The following CDH13 variants were observed in gnomAD, a reference collection of about 807,000 sequenced individuals.
The protein encoded by CDH13 is cadherin-13.
Under a neutral mutation model 63.8 loss-of-function variants are expected in CDH13, and 24 were observed. The ratio of observed to expected loss-of-function variants is 0.38; its 90% CI spans 0.27 to 0.53. The LOEUF (loss-of-function observed/expected upper bound fraction) is 0.53, where lower values mean the gene tolerates loss of function less well. Ranked by LOEUF, CDH13 falls within the 20% of genes least tolerant of loss-of-function variation. The pLI is 0.85. For missense variants in CDH13, 1,049 were observed against 903.1 expected, an observed-to-expected ratio of 1.16 and a Z score of -2.07; for synonymous variants, 503 against 355.3, an observed-to-expected ratio of 1.42 and a Z score of -4.67.
intron 2 of CDH13, among the ~76,000 whole-genome samples, chr16:82,944,587 G>C (rs1904484456): frequency 6.6e-6 from 1 of 152,150 alleles, no homozygotes; most frequent in Admixed American, 6.5e-5. Context: ...AGTGGGTGAA[G>C]GCCAGGGGTG....
At chr16:83,477,910 G>A (rs548314824) in intron 6 of CDH13, among the ~76,000 whole-genome samples, 5 of 152,162 alleles carry the variant, frequency 3.3e-5, no homozygotes, top group Non-Finnish European at 7.4e-5. Flanking sequence ...GGCTGGACGC[G>A]GTGGCTCATA....
At chr16:82,817,175 C>T (rs1029859495) in intron 1 of CDH13, among the ~76,000 whole-genome samples, 1 of 152,082 alleles carries the variant, frequency 6.6e-6, no homozygotes, top group Admixed American at 6.6e-5. Flanking sequence ...TCTTCGCCCC[C>T]CACTGCAGGT....
At chr16:82,895,105 T>C (rs545008204) in intron 2 of CDH13, among the ~76,000 whole-genome samples, 1 of 152,220 alleles carries the variant, frequency 6.6e-6, no homozygotes, top group Non-Finnish European at 1.5e-5. Context: ...CAGTGGCATT[T>C]AGCGTATTTG....
At chr16:83,699,956 G>C (rs1427572858) in intron 10 of CDH13, among the ~76,000 whole-genome samples, 1 of 152,146 alleles carries the variant, frequency 6.6e-6, no homozygotes, top group Non-Finnish European at 1.5e-5. Context: ...ACATGCAAAA[G>C]TGCACAAGTT....
chr16:83,125,924 C>CATACCAAAAACTAAATG (rs2035792882), intron 4 of CDH13, among the ~76,000 whole-genome samples: 1 of 152,064 alleles, frequency 6.6e-6, no homozygotes, highest in Non-Finnish European at 1.5e-5. Context: ...AAAAACTAAA[C>CATACCAAAAACTAAATG]CAGATCAAGG....
chr16:83,448,576 A>T (rs2072781219), intron 6 of CDH13, among the ~76,000 whole-genome samples: 1 of 152,162 alleles, frequency 6.6e-6, no homozygotes, highest in African/African-American at 2.4e-5. Context: ...TTAACATGAG[A>T]AGAGTGACTG....
At chr16:82,665,386 C>CA (rs1912466066) in intron 1 of CDH13, among the ~76,000 whole-genome samples, 1 of 152,008 alleles carries the variant, frequency 6.6e-6, no homozygotes, top group Non-Finnish European at 1.5e-5. Flanking sequence ...AACCGAGGCG[C>CA]ACGTAAAACA....
chr16:82,803,624 G>A (rs751491539), intron 1 of CDH13, among the ~76,000 whole-genome samples: 4 of 152,174 alleles, frequency 2.6e-5, no homozygotes, highest in Admixed American at 6.5e-5. Flanking sequence ...TATGCATGCC[G>A]TGGGATATCA....
intron 10 of CDH13, chr16:83,717,917 C>T (rs1374668962): frequency 6.6e-6 from 1 of 152,216 alleles, no homozygotes; most frequent in Non-Finnish European, 1.5e-5. Context: ...TCAGGAAAAA[C>T]AACTGGAACT....
intron 7 of CDH13, among the ~76,000 whole-genome samples, chr16:83,593,808 A>G (rs1485947553): frequency 6.6e-6 from 1 of 152,180 alleles, no homozygotes. Flanking sequence ...TGATCTCAAG[A>G]AGCTCGGATT....
At chr16:82,761,025 T>C (rs959563944) in intron 1 of CDH13, among the ~76,000 whole-genome samples, 89 of 80,476 alleles carry the variant, frequency 1.1e-3, no homozygotes, top group Non-Finnish European at 1.4e-3. Flanking sequence ...TTCTTTTTTT[T>C]TTTTTTTTTT....
At chr16:82,760,622 T>C (rs1335421328) in intron 1 of CDH13, among the ~76,000 whole-genome samples, 2 of 152,208 alleles carry the variant, frequency 1.3e-5, no homozygotes, top group African/African-American at 4.8e-5. Flanking sequence ...TATATGACTC[T>C]GATAGCACCT....
At chr16:82,832,315 G>A (rs149177273) in intron 1 of CDH13, among the ~76,000 whole-genome samples, 1 of 152,080 alleles carries the variant, frequency 6.6e-6, no homozygotes, top group African/African-American at 2.4e-5. Flanking sequence ...AATAAGTTTT[G>A]CAATATCTAA....
At chr16:83,480,940 C>T (rs1469789654) in intron 6 of CDH13, among the ~76,000 whole-genome samples, 1 of 152,200 alleles carries the variant, frequency 6.6e-6, no homozygotes, top group African/African-American at 2.4e-5. Context: ...GACACAGGGG[C>T]AAACACACAA....
At chr16:82,726,278 A>G (rs1391772641) in intron 1 of CDH13, among the ~76,000 whole-genome samples, 3 of 152,170 alleles carry the variant, frequency 2.0e-5, no homozygotes, top group African/African-American at 7.2e-5. Flanking sequence ...AGCCTTGGCA[A>G]GCTATAAGAT....
chr16:83,632,080 C>T (rs1468993931), intron 8 of CDH13, among the ~76,000 whole-genome samples: 1 of 152,162 alleles, frequency 6.6e-6, no homozygotes, highest in East Asian at 1.9e-4. Flanking sequence ...TATTTGGATC[C>T]ACAGAGTCTT....
At chr16:83,294,052 G>A (rs1436413736) in intron 5 of CDH13, among the ~76,000 whole-genome samples, 7 of 152,078 alleles carry the variant, frequency 4.6e-5, no homozygotes, top group Admixed American at 1.3e-4. Context: ...TCCAAGCCAA[G>A]GATTATCTGA....
chr16:82,766,674 A>G (rs550707466), intron 1 of CDH13, among the ~76,000 whole-genome samples: 20 of 152,232 alleles, frequency 1.3e-4, no homozygotes, highest in Non-Finnish European at 2.6e-4. Flanking sequence ...TCTTTACCAT[A>G]TATCATTATC....
In CDH13 at chr16:83,392,262, T is replaced by C. The variant is rs2091802811; in HGVS notation, c.781+47256T>C. Among the ~76,000 whole-genome samples the C allele has an allele frequency of 3.3e-5, 5 of 152,300 alleles. No homozygotes were observed. The South Asian group carries it at 1.0e-3, about 32-fold the overall frequency. On this transcript the variant is annotated intron_variant, in intron 6 of 13. Coordinates refer to ENST00000567109, the MANE Select transcript of CDH13 (RefSeq NM_001257.5). ...TTTCCTCATCTGTGATATGGGTGCA[T>C]GGAGGAGGTTAAATAACAGCTCCAA...
Sources: gnomAD v4.1 joint callset for allele counts (sites outside exome capture counted in the v4.1 genomes callset) on GRCh38, gnomAD v4.1.1 for gene constraint, MANE v1.5 for transcripts, NCBI Gene and HGNC (gene_info 2026-07-23, HGNC 2026-07-21) for gene names.